Variants in SPNS2 observed in about 807,000 individuals in gnomAD.
SPNS2 encodes sphingosine-1-phosphate transporter SPNS2.
SPNS2 carries 37 observed loss-of-function variants against 57.6 expected under a neutral mutation model. The ratio of observed to expected loss-of-function variants is 0.64; its 90% CI spans 0.49 to 0.85. SPNS2 has a LOEUF of 0.85. Ranked by LOEUF, SPNS2 falls within the 40% of genes least tolerant of loss-of-function variation. SPNS2 has a pLI of 0.00. For synonymous variants in SPNS2, 440 were observed against 346.9 expected (o/e 1.27, Z -2.98); for missense variants, 831 against 779.1 (o/e 1.07, Z -0.79).
chr17:4,533,976 C>G lies in SPNS2; in HGVS notation c.1344+123C>G, dbSNP rs545520760. On this transcript the variant is annotated intron_variant, in intron 9 of 12. Transcript: ENST00000329078. ...GGTAGGAAGGCAGGCCTGCCAGGAA[C>G]GTGAACCCAGAGGCAGGGAGGGGAT... The G allele has an allele frequency of 2.1e-5, 20 of 945,162 alleles. No individual in the cohort carries two copies. In the South Asian group the frequency reaches 2.6e-4, roughly 12 times the overall value. 58.5% of individuals were successfully genotyped at this position (945,162 alleles called of 1,614,324 possible). A position where few individuals can be genotyped will look rare whatever the true frequency, so the allele number is the denominator to read the frequency against.
intron 5 of SPNS2, among the ~76,000 whole-genome samples, chr17:4,532,230 A>G (rs1269561888): frequency 2.0e-5 from 3 of 151,668 alleles, no homozygotes; most frequent in African/African-American, 7.3e-5. Flanking sequence ...CTCTTTAGCC[A>G]TCTCTTCTCT....
Position 4,536,419 on chromosome 17 carries a change from G to A in SPNS2, c.1600G>A (p.Glu534Lys), listed in dbSNP as rs562283566. 5.7e-6 allele frequency: 9 copies of A among 1,581,130 alleles called. No individual in the cohort carries two copies. In the South Asian group the frequency reaches 8.9e-5, roughly 16 times the overall value. The change falls in exon 11 of 13, where the codon GAG (glutamate) becomes AAG (lysine). Residue 534 changes from glutamate (E) to lysine (K), a missense_variant. By Grantham distance (56) the Glu-to-Lys change is moderately conservative. This residue lies in a region of SPNS2 where 526 missense variants were observed against 400.9 expected (regional missense o/e 1.31). Transcript: ENST00000329078. ...CTTCGTCAGCGACCGCGCCAGGGCT[G>A]AGCAGCAGTGAGTGGGGGGGAGGGG... ...LFFVSDRARA[E>K]QQVNQLAMPP...
chr17:4,537,012 A>T (rs1257040726), intron 12 of SPNS2, 66 bp downstream of exon 12: 1 of 1,563,582 alleles, frequency 6.4e-7, no homozygotes, highest in East Asian at 2.3e-5. Flanking sequence ...GTTAGGCAAC[A>T]GGGAGCACTT....
Position 4,538,795 on chromosome 17 carries a change from AGAG to A in SPNS2, c.*1350_*1352del. 1 of 754,670 alleles carries A rather than the reference AGAG, an allele frequency of 1.3e-6. No individual in the cohort carries two copies. The highest frequency in any genetic ancestry group is 2.4e-6 in the Non-Finnish European group (1 of 410,466). 46.7% of individuals were successfully genotyped at this position (754,670 alleles called of 1,614,324 possible). A position where few individuals can be genotyped will look rare whatever the true frequency, so the allele number is the denominator to read the frequency against. On this transcript the variant is annotated 3_prime_UTR_variant, in exon 13 of 13. Transcript: ENST00000329078. ...TCTGGGGTACCCCGAGGGCCTGACA[AGAG>A]GATGGGGTGGGGGTGGCATCCTCCA...
At chr17:4,502,461 T>G (rs1223942835) in intron 1 of SPNS2, among the ~76,000 whole-genome samples, 1 of 152,208 alleles carries the variant, frequency 6.6e-6, no homozygotes, top group East Asian at 1.9e-4. Flanking sequence ...ATACTAAGTC[T>G]TTGAAACCCA....
chr17:4,533,157 C>T (rs764343600), intron 7 of SPNS2, 28 bp downstream of exon 7: 2 of 1,590,622 alleles, frequency 1.3e-6, no homozygotes, highest in African/African-American at 2.7e-5. Flanking sequence ...GGGCCCAGGG[C>T]TGGTGAGGGA....
At position 4,511,346 on chromosome 17, in the gene SPNS2, G is replaced by A. The variant is rs1351344237; in HGVS notation, c.371-1901G>A. Among the ~76,000 whole-genome samples, 1 of 152,228 alleles carries A rather than the reference G, an allele frequency of 6.6e-6. No individual in the cohort carries two copies. The highest frequency in any genetic ancestry group is 1.5e-5 in the Non-Finnish European group (1 of 68,036). On this transcript the variant is annotated intron_variant, in intron 1 of 12. Transcript: ENST00000329078. This position sits in a 1 kb window ranked among gnomAD's most constrained non-coding sequence, Gnocchi z 4.6. ...TTGACGGAGTTGTACCAGAATAGAA[G>A]AGGAAGTGTGCAGAGTCAGGGGGCC...
rs1369398068 is a variant in SPNS2, at chr17:4,537,892, T to G, written c.*444T>G. 2.3e-6 allele frequency: 1 copy of G among 426,176 alleles called. No individual in the cohort carries two copies. Among genetic ancestry groups the G allele is most frequent in the Non-Finnish European group, 4.8e-6 (1 of 207,832 alleles). The allele number at this position is 426,176 out of a possible 1,614,324, so 26.4% of individuals were successfully genotyped here. ...TGAAGACTCAACAGACCCTGGACCATACGGAGAGCAGGTGGCCCAGGCCTC... is the reference window on the plus strand; with the variant it reads ...TGAAGACTCAACAGACCCTGGACCAGACGGAGAGCAGGTGGCCCAGGCCTC... On this transcript the variant is annotated 3_prime_UTR_variant, in exon 13 of 13. Transcript: ENST00000329078.
chr17:4,505,424 G>T (rs1842755590), intron 1 of SPNS2, among the ~76,000 whole-genome samples: 1 of 152,186 alleles, frequency 6.6e-6, no homozygotes, highest in Non-Finnish European at 1.5e-5. Context: ...TCTGACCAGG[G>T]CTCACAATGA....
rs778335229 is a variant in SPNS2 at position 4,510,723 on chromosome 17, C to A, written c.371-2524C>A. ...ACCCGACACCAAAATCGTGACTGTCCCTGCTCTGAGTCCTGGAGATGACCG... is the reference window on the plus strand; with the variant it reads ...ACCCGACACCAAAATCGTGACTGTCACTGCTCTGAGTCCTGGAGATGACCG... On this transcript the variant is annotated intron_variant, in intron 1 of 12. Coordinates refer to ENST00000329078, the MANE Select transcript of SPNS2 (RefSeq NM_001124758.3). The surrounding 1 kb of genome is among the most constrained non-coding windows in gnomAD (Gnocchi z 4.4). 4.1e-4 allele frequency among the ~76,000 whole-genome samples: 63 copies of A among 152,146 alleles called. No individual in the cohort carries two copies. Among genetic ancestry groups the A allele is most frequent in the Non-Finnish European group, 7.6e-4 (52 of 68,026 alleles).
At position 4,537,807 on chromosome 17, in the gene SPNS2, A is replaced by G. The variant is rs1180237423; in HGVS notation, c.*359A>G. 1 of 455,634 alleles carries G rather than the reference A, an allele frequency of 2.2e-6. No homozygotes were observed. Among genetic ancestry groups the G allele is most frequent in the Non-Finnish European group, 4.4e-6 (1 of 226,176 alleles). 28.2% of individuals were successfully genotyped at this position (455,634 alleles called of 1,614,324 possible). ...GCAAGTCCCTGCCCTCCCTGGAACG[A>G]AGGGCCAGGGGGCTGGACTTTCCCA... On this transcript the variant is annotated 3_prime_UTR_variant, in exon 13 of 13. Coordinates refer to ENST00000329078, the MANE Select transcript of SPNS2 (RefSeq NM_001124758.3).
chr17:4,531,684 G>C (rs1455105034), intron 5 of SPNS2, among the ~76,000 whole-genome samples: 2 of 152,142 alleles, frequency 1.3e-5, no homozygotes, highest in Non-Finnish European at 2.9e-5. Context: ...TTTCTTAGTG[G>C]GGTGGGGGGA....
chr17:4,513,405 C>A (rs1904904564), intron 2 of SPNS2, 93 bp downstream of exon 2: 2 of 1,375,580 alleles, frequency 1.5e-6, no homozygotes, highest in South Asian at 2.4e-5. Flanking sequence ...GGTCTGTCTT[C>A]CCCTGTCCTG....
At chr17:4,536,982 A>C (rs1468869607) in intron 12 of SPNS2, 36 bp downstream of exon 12, 8 of 1,609,018 alleles carry the variant, frequency 5.0e-6, no homozygotes, top group Non-Finnish European at 5.9e-6. Context: ...GGGGCTCCCT[A>C]AGGAAAGGGG....
At chr17:4,536,615 G>A (rs541923185) in intron 11 of SPNS2, 189 bp downstream of exon 11, 33 of 762,234 alleles carry the variant, frequency 4.3e-5, no homozygotes, top group East Asian at 3.0e-4. Context: ...GGGAGGCCAC[G>A]GGGGTGTCTG....
chr17:4,529,943 C>T (rs1275487747), intron 3 of SPNS2, among the ~76,000 whole-genome samples: 1 of 152,140 alleles, frequency 6.6e-6, no homozygotes, highest in Non-Finnish European at 1.5e-5. Flanking sequence ...GCGATGCTGG[C>T]CAGATGGGTG....
Position 4,538,782 on chromosome 17 carries a change from C to T in SPNS2, c.*1334C>T, listed in dbSNP as rs552053552. 18 of 744,920 alleles carry T rather than the reference C, an allele frequency of 2.4e-5. No individual in the cohort carries two copies. Among genetic ancestry groups the T allele is most frequent in the Admixed American group, 1.2e-4 (6 of 50,336 alleles). The allele number at this position is 744,920 out of a possible 1,614,324, so 46.1% of individuals were successfully genotyped here. On this transcript the variant is annotated 3_prime_UTR_variant, in exon 13 of 13. Transcript: ENST00000329078. Reference sequence around the variant, plus strand: ...TCACCCACCAAGCTCTGGGGTACCCCGAGGGCCTGACAAGAGGATGGGGTG... The same window carrying T: ...TCACCCACCAAGCTCTGGGGTACCCTGAGGGCCTGACAAGAGGATGGGGTG...
At position 4,525,253 on chromosome 17, in the gene SPNS2, A is replaced by G. The variant is rs1347106918; in HGVS notation, c.573+60A>G. 7 of 1,589,188 alleles carry G rather than the reference A, an allele frequency of 4.4e-6. No individual in the cohort carries two copies. The African/African-American group carries it at 8.1e-5, about 18-fold the overall frequency. ...GTCCTGGTCCCTCCAGCGAGTGGCTAGTCTTATTGGCCTGTTGAAGAATCC... is the reference window on the plus strand; with the variant it reads ...GTCCTGGTCCCTCCAGCGAGTGGCTGGTCTTATTGGCCTGTTGAAGAATCC... On this transcript the variant is annotated intron_variant, in intron 3 of 12. Coordinates refer to ENST00000329078, the MANE Select transcript of SPNS2 (RefSeq NM_001124758.3).
At chr17:4,535,192 T>G (rs979651749) in intron 9 of SPNS2, among the ~76,000 whole-genome samples, 1 of 151,728 alleles carries the variant, frequency 6.6e-6, no homozygotes, top group East Asian at 1.9e-4. Flanking sequence ...CCTGTCTGAC[T>G]CTGGCCTGCC....
Sources: gnomAD v4.1 joint callset for allele counts (sites outside exome capture counted in the v4.1 genomes callset) on GRCh38, gnomAD v4.1.1 for gene constraint, gnomAD v4.1.1 regional missense constraint, Gnocchi (gnomAD v3.1) non-coding constraint, MANE v1.5 for transcripts, NCBI Gene and HGNC (gene_info 2026-07-23, HGNC 2026-07-21) for gene names.